TJP2: variants seen among roughly 807,000 people sequenced by gnomAD.
TJP2 encodes Friedreich ataxia region gene X104 (tight junction protein ZO-2).
TJP2 carries 91 observed loss-of-function variants against 133.1 expected under a neutral mutation model. The observed-to-expected ratio is 0.68, with a 90% confidence interval of 0.58 to 0.81. TJP2 has a LOEUF of 0.81. Among genes scored for constraint, TJP2 ranks in the 40% least tolerant of loss-of-function variants. TJP2 has a pLI of 0.00. For synonymous variants in TJP2, 592 were observed against 583.4 expected (o/e 1.01, Z -0.21); for missense variants, 1,541 against 1,565.6 (o/e 0.98, Z 0.26).
At chr9:69,122,785 G>C (rs1393902338) in intron 1 of TJP2, among the ~76,000 whole-genome samples, 1 of 152,150 alleles carries the variant, frequency 6.6e-6, no homozygotes, top group African/African-American at 2.4e-5. Context: ...GAGTTCCGTA[G>C]GGAGGCCTCC....
At chr9:69,216,039 C>T (rs890916012) in intron 2 of TJP2, among the ~76,000 whole-genome samples, 2 of 152,212 alleles carry the variant, frequency 1.3e-5, no homozygotes, top group Non-Finnish European at 2.9e-5. Flanking sequence ...CAGTACGTCC[C>T]TATTTGGACT....
chr9:69,135,101 C>G (rs1822672604), intron 1 of TJP2, among the ~76,000 whole-genome samples: 1 of 152,132 alleles, frequency 6.6e-6, no homozygotes, highest in Admixed American at 6.5e-5. Flanking sequence ...AAAGTCCTAT[C>G]TCCAAATAGC....
intron 1 of TJP2, among the ~76,000 whole-genome samples, chr9:69,189,555 G>C (rs1826073668): frequency 6.6e-6 from 1 of 151,990 alleles, no homozygotes; most frequent in Non-Finnish European, 1.5e-5. Context: ...AGGAGTTGGA[G>C]GCTACAGTGA....
At position 69,174,291 on chromosome 9, in the gene TJP2, T is replaced by C. The variant is rs1824883645; in HGVS notation, c.-82T>C. The C allele has an allele frequency of 6.5e-7, 1 of 1,548,894 alleles. No individual in the cohort carries two copies. The highest frequency in any genetic ancestry group is 1.4e-5 in the African/African-American group (1 of 72,906). ...GGCTGCGGGTCAGAGCACTGTCCGG[T>C]GGTGCCCAGGAGGAGTAGGAGCAGG... On this transcript the variant is annotated 5_prime_UTR_variant, in exon 1 of 23. Coordinates refer to ENST00000377245, the MANE Select transcript of TJP2 (RefSeq NM_004817.4).
Position 69,221,030 on chromosome 9 carries a change from C to G in TJP2, c.486C>G (p.Asn162Lys). 6.2e-7 allele frequency: 1 copy of G among 1,609,264 alleles called. No individual in the cohort carries two copies. Among genetic ancestry groups the G allele is most frequent in the Non-Finnish European group, 8.5e-7 (1 of 1,178,494 alleles). ...GCTACAGCGAGAGGAGCCGGCTGAA[C>G]AGCCATGGGGGGCGCAGCCGCAGCT... ...RSGYSERSRL[N>K]SHGGRSRSWE... The change falls in exon 5 of 23, where the codon AAC becomes AAG. Residue 162 changes from asparagine (N) to lysine (K), a missense_variant. Physicochemically the swap from Asn to Lys is moderately conservative, Grantham distance 94 (BLOSUM62 0). Coordinates refer to ENST00000377245, the MANE Select transcript of TJP2 (RefSeq NM_004817.4).
intron 19 of TJP2, 200 bp downstream of exon 19, chr9:69,248,424 A>G: frequency 7.0e-7 from 1 of 1,429,544 alleles, no homozygotes; most frequent in Non-Finnish European, 9.2e-7. Flanking sequence ...TGGACTTCAG[A>G]AGAGCTTGAG....
intron 1 of TJP2, among the ~76,000 whole-genome samples, chr9:69,196,940 TGTGTGTACACACACACAC>T (rs1826605691): frequency 1.4e-5 from 1 of 70,580 alleles, no homozygotes; most frequent in East Asian, 1.1e-3. Flanking sequence ...TGTGTGTGTG[TGTGTGTACACACACACAC>T]ACACACACAC....
At chr9:69,170,148 G>A (rs1160278199), upstream of TJP2, among the ~76,000 whole-genome samples, 1 of 152,016 alleles carries the variant, frequency 6.6e-6, no homozygotes, top group Non-Finnish European at 1.5e-5. Flanking sequence ...GCACCTAGCT[G>A]ACCAACCTAT....
intron 21 of TJP2, among the ~76,000 whole-genome samples, chr9:69,252,444 G>A (rs1187114865): frequency 2.0e-5 from 3 of 151,944 alleles, no homozygotes; most frequent in Admixed American, 1.3e-4. Flanking sequence ...TCCTCTCCCC[G>A]CAGTCCCTGG....
At chr9:69,202,567 C>T (rs1050539359) in intron 1 of TJP2, among the ~76,000 whole-genome samples, 12 of 152,108 alleles carry the variant, frequency 7.9e-5, no homozygotes, top group African/African-American at 2.9e-4. Flanking sequence ...AGTCAATGAA[C>T]GCATTTTATA....
At chr9:69,136,654 G>A (rs530068267) in intron 1 of TJP2, among the ~76,000 whole-genome samples, 20 of 152,276 alleles carry the variant, frequency 1.3e-4, no homozygotes, top group Middle Eastern at 6.8e-3. Flanking sequence ...TCATGTGCAA[G>A]CTCAGTGAAT....
At chr9:69,193,637 T>A (rs904354716) in intron 1 of TJP2, among the ~76,000 whole-genome samples, 3 of 142,308 alleles carry the variant, frequency 2.1e-5, no homozygotes, top group Non-Finnish European at 4.5e-5. Context: ...ATGAGGTCTT[T>A]TTCTAAGTTT....
intron 3 of TJP2, among the ~76,000 whole-genome samples, chr9:69,216,998 T>C (rs201413767): frequency 0.42 from 62,398 of 150,236 alleles, 13,627 homozygotes; most frequent in African/African-American, 0.52. Flanking sequence ...TCTTTTTTTT[T>C]TTTTTTTTCA....
chr9:69,134,086 T>C (rs774707768), intron 1 of TJP2, among the ~76,000 whole-genome samples: 7 of 152,216 alleles, frequency 4.6e-5, no homozygotes, highest in Non-Finnish European at 1.0e-4. Flanking sequence ...TCGCAGTTGC[T>C]TGTTGCAGCA....
chr9:69,161,884 C>T (rs12235112), intron 2 of TJP2, among the ~76,000 whole-genome samples: 1 of 149,864 alleles, frequency 6.7e-6, no homozygotes, highest in South Asian at 2.1e-4. Flanking sequence ...CCTGTCTGTA[C>T]TAAAAAATAC....
At chr9:69,249,346 T>G in intron 19 of TJP2, 29 bp from the exon 20 acceptor site, 1 of 1,584,026 alleles carries the variant, frequency 6.3e-7, no homozygotes, top group Non-Finnish European at 8.6e-7. Flanking sequence ...TGGATGTTCT[T>G]GTTGTGAATG....
intron 17 of TJP2, among the ~76,000 whole-genome samples, chr9:69,246,057 A>G (rs1039235675): frequency 2.6e-5 from 4 of 152,214 alleles, no homozygotes; most frequent in Non-Finnish European, 5.9e-5. Flanking sequence ...CCTAAACAAT[A>G]TAGTATAACA....
Position 69,156,378 on chromosome 9 carries a change from T to G in TJP2, c.-10+4607T>G, listed in dbSNP as rs142204603. On this transcript the variant is annotated intron_variant, in intron 2 of 5. Coordinates refer to the TJP2 transcript ENST00000423935. Reference sequence around the variant, plus strand: ...CTCTGTCCCAAAAAAAAAGAAAAATTTAGAAAGTTTATTTTGCCAAGGTTA... The same window carrying G: ...CTCTGTCCCAAAAAAAAAGAAAAATGTAGAAAGTTTATTTTGCCAAGGTTA... Among the ~76,000 whole-genome samples, 618 of 152,030 alleles carry G rather than the reference T, an allele frequency of 4.1e-3. 5 individuals carry two copies. The highest frequency in any genetic ancestry group is 0.013 in the African/African-American group (558 of 41,468).
chr9:69,165,276 T>G (rs1824289374), intron 2 of TJP2, among the ~76,000 whole-genome samples: 1 of 152,188 alleles, frequency 6.6e-6, no homozygotes, highest in Admixed American at 6.5e-5. Context: ...TTCAGGTGTG[T>G]GCCATCACGC....
Sources: allele counts gnomAD v4.1 joint callset (sites outside exome capture counted in the v4.1 genomes callset), GRCh38; gene constraint gnomAD v4.1.1; transcripts MANE v1.5; gene names NCBI Gene and HGNC (gene_info 2026-07-23, HGNC 2026-07-21).